The following PTPRU variants were observed in gnomAD, a reference collection of about 807,000 sequenced individuals.
PTPRU encodes receptor-type tyrosine-protein phosphatase U.
A neutral mutation model predicts 166.3 loss-of-function variants in PTPRU; 69 were observed. That is an observed-to-expected ratio of 0.41 (90% CI 0.34 to 0.51). PTPRU has a LOEUF of 0.51. PTPRU is among the 20% of genes least tolerant of loss of function. The pLI is 0.09. For synonymous variants in PTPRU, 793 were observed against 814.0 expected (o/e 0.97, Z 0.44); for missense variants, 1,657 against 2,013.7 (o/e 0.82, Z 3.39).
At position 29,311,536 on chromosome 1, in the gene PTPRU, C is replaced by G. The variant is rs745899276; in HGVS notation, c.2938C>G (p.Leu980Val). Reference sequence around the variant, plus strand: ...TTCCAGCATCGTCATGATCACCAAGCTGGTCGAGGTGGGCAGGGTAAGCCG... The same window carrying G: ...TTCCAGCATCGTCATGATCACCAAGGTGGTCGAGGTGGGCAGGGTAAGCCG... ...HCSSIVMITK[L>V]VEVGRVKCSR... Residue 980 changes from leucine to valine, a missense_variant, in exon 20 of 30, where the codon CTG (leucine) becomes GTG (valine). By Grantham distance (32) the Leu-to-Val change is conservative. Transcript: ENST00000373779. The surrounding 1 kb of genome is among the most constrained non-coding windows in gnomAD (Gnocchi z 4.1). 6.2e-7 allele frequency: 1 copy of G among 1,614,188 alleles called. No homozygotes were observed. Among genetic ancestry groups the G allele is most frequent in the South Asian group, 1.1e-5 (1 of 91,080 alleles).
At position 29,317,192 on chromosome 1, in the gene PTPRU, A is replaced by C. The variant is rs1487291170; in HGVS notation, c.3514-556A>C. Among the ~76,000 whole-genome samples the C allele has an allele frequency of 6.6e-6, 1 of 152,084 alleles. No individual in the cohort carries two copies. Among genetic ancestry groups the C allele is most frequent in the East Asian group, 1.9e-4 (1 of 5,188 alleles). On this transcript the variant is annotated intron_variant, in intron 24 of 29. Coordinates refer to ENST00000373779, the MANE Select transcript of PTPRU (RefSeq NM_133178.4). The surrounding 1 kb of genome is among the most constrained non-coding windows in gnomAD (Gnocchi z 5.6). ...GTGAGGTGTGAAGGCATGCGGGCGG[A>C]GGAGATGCCCCGGAGATCCAGGTGT...
chr1:29,293,405 G>A (rs1021851302), intron 15 of PTPRU, among the ~76,000 whole-genome samples: 3 of 152,142 alleles, frequency 2.0e-5, no homozygotes, highest in East Asian at 1.9e-4. Flanking sequence ...GATTACTGGC[G>A]TGAGTCACTG....
rs536825730 is a variant in PTPRU at position 29,314,337 on chromosome 1, T to C, written c.3228-1035T>C. The stretch of plus-strand genomic sequence containing the variant: ...ATTGCTGAGCAGTTTTACAAGGGGG[T>C]TGTGCTAAGTTAAGCCCCACCAGGG... On this transcript the variant is annotated intron_variant, in intron 22 of 29. Coordinates refer to ENST00000373779, the MANE Select transcript of PTPRU (RefSeq NM_133178.4). Among the ~76,000 whole-genome samples the C allele has an allele frequency of 4.6e-5, 7 of 152,226 alleles. No individual in the cohort carries two copies. In the East Asian group the frequency reaches 7.7e-4, roughly 17 times the overall value.
chr1:29,282,269 G>GA (rs1432944822), intron 11 of PTPRU, among the ~76,000 whole-genome samples: 1 of 152,250 alleles, frequency 6.6e-6, no homozygotes, highest in African/African-American at 2.4e-5. Context: ...CTGAGTCCCA[G>GA]AAGGGAGCTT....
At chr1:29,275,336 G>A (rs1021372634) in intron 7 of PTPRU, 112 bp from the exon 8 acceptor site, 1 of 1,209,246 alleles carries the variant, frequency 8.3e-7, no homozygotes, top group African/African-American at 1.5e-5. Flanking sequence ...AGCTCTTGGG[G>A]GCAATGGAGG....
Position 29,315,998 on chromosome 1 carries a change from C to T in PTPRU, c.3364-4C>T, listed in dbSNP as rs749951286. 2 of 1,613,922 alleles carry T rather than the reference C, an allele frequency of 1.2e-6. No homozygotes were observed. The highest frequency in any genetic ancestry group is 2.2e-5 in the South Asian group (2 of 91,050). The stretch of plus-strand genomic sequence containing the variant: ...CTCGGCCTCATTCTCATCTCCTGTT[C>T]CAGGAGCAGTACATCTTCATTCATG... On this transcript the variant is annotated splice_region_variant and splice_polypyrimidine_tract_variant and intron_variant, in intron 23 of 29. Coordinates refer to ENST00000373779, the MANE Select transcript of PTPRU (RefSeq NM_133178.4). The surrounding 1 kb of genome is among the most constrained non-coding windows in gnomAD (Gnocchi z 4.5).
In PTPRU at chr1:29,280,326, C is replaced by G. The variant is rs1048394349; in HGVS notation, c.1868+185C>G. 6.6e-6 allele frequency among the ~76,000 whole-genome samples: 1 copy of G among 152,222 alleles called. No homozygotes were observed. ...AGGCAAGAAGCCTGCAGTCCCTCCC[C>G]TCTGAGGCCATGGGTCTCAGATGGT... On this transcript the variant is annotated intron_variant, in intron 11 of 29. Coordinates refer to ENST00000373779, the MANE Select transcript of PTPRU (RefSeq NM_133178.4). The surrounding 1 kb of genome is among the most constrained non-coding windows in gnomAD (Gnocchi z 4.2).
intron 1 of PTPRU, among the ~76,000 whole-genome samples, chr1:29,246,488 G>A (rs1380800629): frequency 3.3e-5 from 5 of 152,162 alleles, no homozygotes; most frequent in Non-Finnish European, 4.4e-5. Context: ...CATTGCATTC[G>A]TGCACTGCAC....
chr1:29,245,377 C>T (rs929781437), intron 1 of PTPRU, among the ~76,000 whole-genome samples: 5 of 152,070 alleles, frequency 3.3e-5, no homozygotes, highest in East Asian at 1.9e-4. Context: ...CCAGCGTGGC[C>T]GGGCAGAGCT....
rs1159127491 is a variant in PTPRU at position 29,237,949 on chromosome 1, G to A, written c.73+1232G>A. Among the ~76,000 whole-genome samples the A allele has an allele frequency of 6.6e-6, 1 of 150,454 alleles. No homozygotes were observed. Among genetic ancestry groups the A allele is most frequent in the Admixed American group, 6.6e-5 (1 of 15,140 alleles). ...AGGGCCTGGCTCGCCGCCGGGGGAC[G>A]GCGCCCCCTCCCTTGGCGCGCAGGA... is the stretch of plus-strand genomic sequence containing the variant. On this transcript the variant is annotated intron_variant, in intron 1 of 29. Transcript: ENST00000373779. This position sits in a 1 kb window ranked among gnomAD's most constrained non-coding sequence, Gnocchi z 6.4.
In PTPRU at chr1:29,307,239, T is replaced by A. The variant is rs550185777; in HGVS notation, c.2820+1811T>A. ...GACTCTCTCACGGTCTCTGGCTGTC[T>A]GTCTCTCTGTCTCTGTCCTTCCTTT... On this transcript the variant is annotated intron_variant, in intron 18 of 29. Transcript: ENST00000373779. 1.2e-5 allele frequency: 17 copies of A among 1,450,948 alleles called. No homozygotes were observed. The East Asian group carries it at 2.8e-4, about 24-fold the overall frequency. 89.9% of individuals were successfully genotyped at this position (1,450,948 alleles called of 1,614,324 possible).
In PTPRU at chr1:29,238,596, C is replaced by G. The variant is rs1416063146; in HGVS notation, c.73+1879C>G. Among the ~76,000 whole-genome samples the G allele has an allele frequency of 6.6e-6, 1 of 152,222 alleles. No homozygotes were observed. Among genetic ancestry groups the G allele is most frequent in the East Asian group, 1.9e-4 (1 of 5,188 alleles). On this transcript the variant is annotated intron_variant, in intron 1 of 29. Transcript: ENST00000373779. The surrounding 1 kb of genome is among the most constrained non-coding windows in gnomAD (Gnocchi z 6.1). ...GCCGGCCACTGGCCAGCGCTTGGGCCTCGCCCTGCAGCTCCGGGGCCATAG... is the reference window on the plus strand; with the variant it reads ...GCCGGCCACTGGCCAGCGCTTGGGCGTCGCCCTGCAGCTCCGGGGCCATAG...
At chr1:29,259,774 G>A (rs1684956470) in intron 5 of PTPRU, 96 bp from the exon 6 acceptor site, 39 of 1,365,830 alleles carry the variant, frequency 2.9e-5, no homozygotes, top group Non-Finnish European at 3.4e-5. Context: ...ATGTCCGCGC[G>A]GTGTAGTAGG....
chr1:29,261,054 C>T (rs1685042934), intron 7 of PTPRU, 151 bp downstream of exon 7: 1 of 939,338 alleles, frequency 1.1e-6, no homozygotes, highest in South Asian at 2.2e-5. Context: ...ATAATGATAG[C>T]TAATACTTTA....
rs1053211551 is a variant in PTPRU at position 29,311,279 on chromosome 1, C to T, written c.2858-177C>T. The T allele has an allele frequency of 2.7e-5, 17 of 630,608 alleles. No individual in the cohort carries two copies. Among genetic ancestry groups the T allele is most frequent in the South Asian group, 1.2e-4 (6 of 51,504 alleles). The allele number at this position is 630,608 out of a possible 1,614,324, so 39.1% of individuals were successfully genotyped here. A position where few individuals can be genotyped will look rare whatever the true frequency, so the allele number is the denominator to read the frequency against. Reference sequence around the variant, plus strand: ...CAGGCCCTCTCCTGATGCTACCCAACCTCAGGGCCCTACAGGCATGCGTCA... The same window carrying T: ...CAGGCCCTCTCCTGATGCTACCCAATCTCAGGGCCCTACAGGCATGCGTCA... On this transcript the variant is annotated intron_variant, in intron 19 of 29. Coordinates refer to ENST00000373779, the MANE Select transcript of PTPRU (RefSeq NM_133178.4). This position sits in a 1 kb window ranked among gnomAD's most constrained non-coding sequence, Gnocchi z 4.1.
intron 28 of PTPRU, among the ~76,000 whole-genome samples, chr1:29,324,691 G>T (rs1456215335): frequency 6.6e-6 from 1 of 152,144 alleles, no homozygotes; most frequent in East Asian, 1.9e-4. Flanking sequence ...CTCAGAATCC[G>T]CAGTCTGTTT....
intron 1 of PTPRU, among the ~76,000 whole-genome samples, chr1:29,244,398 A>G (rs986930329): frequency 1.3e-5 from 2 of 151,206 alleles, no homozygotes; most frequent in African/African-American, 2.5e-5. Flanking sequence ...GGACAGGTGG[A>G]TGATAGAACA....
intron 19 of PTPRU, 93 bp downstream of exon 19, chr1:29,310,873 C>T (rs1181685122): frequency 1.1e-5 from 16 of 1,428,166 alleles, no homozygotes; most frequent in South Asian, 4.6e-5. Flanking sequence ...CCTGCTGATC[C>T]GCTTGATTCC....
At chr1:29,324,308 C>A (rs1438663197) in intron 28 of PTPRU, among the ~76,000 whole-genome samples, 1 of 152,200 alleles carries the variant, frequency 6.6e-6, no homozygotes, top group East Asian at 1.9e-4. Flanking sequence ...GCTGGGCCTA[C>A]TGGAAGCTGG....
Sources: gnomAD v4.1 joint callset for allele counts (sites outside exome capture counted in the v4.1 genomes callset) on GRCh38, gnomAD v4.1.1 for gene constraint, Gnocchi (gnomAD v3.1) non-coding constraint, MANE v1.5 for transcripts, NCBI Gene and HGNC (gene_info 2026-07-23, HGNC 2026-07-21) for gene names.